Variants in JAK1 observed in about 807,000 individuals in gnomAD.
The protein encoded by JAK1 is tyrosine-protein kinase JAK1.
JAK1 carries 16 observed loss-of-function variants against 136.6 expected under a neutral mutation model. That is an observed-to-expected ratio of 0.12 (90% CI 0.08 to 0.18). The LOEUF (loss-of-function observed/expected upper bound fraction) is 0.18. JAK1 is among the 10% of genes least tolerant of loss of function. JAK1 has a pLI of 1.00. For missense variants in JAK1, 859 were observed against 1,450.1 expected (o/e 0.59, Z 6.62); for synonymous variants, 492 against 519.5 (o/e 0.95, Z 0.72).
intron 1 of JAK1, among the ~76,000 whole-genome samples, chr1:64,929,058 G>C (rs1645643063): frequency 6.6e-6 from 1 of 152,140 alleles, no homozygotes; most frequent in Non-Finnish European, 1.5e-5. Context: ...AAAAATTCAG[G>C]CCTGTACTTG....
chr1:64,835,230 G>A lies in JAK1; in HGVS notation c.3369+166C>T, dbSNP rs555668564. ...CTGGTGGCTATCATCTAGCCCCAAA[G>A]GCGATTTCTCAGTTATCTTATGTGA... On this transcript the variant is annotated intron_variant, in intron 24 of 24. Coordinates refer to ENST00000342505, the MANE Select transcript of JAK1 (RefSeq NM_002227.4). 3.3e-5 allele frequency among the ~76,000 whole-genome samples: 5 copies of A among 152,302 alleles called. No individual in the cohort carries two copies. In the East Asian group the frequency reaches 7.7e-4, roughly 23 times the overall value.
chr1:64,998,526 C>T (rs12117352), intron 2 of JAK1, among the ~76,000 whole-genome samples: 3,443 of 152,156 alleles, frequency 0.023, 48 homozygotes, highest in Non-Finnish European at 0.029. Flanking sequence ...AATCTCTGGC[C>T]GTAAGATTAG....
At chr1:64,903,676 A>T (rs1220122621) in intron 1 of JAK1, among the ~76,000 whole-genome samples, 1 of 152,214 alleles carries the variant, frequency 6.6e-6, no homozygotes, top group African/African-American at 2.4e-5. Context: ...AATGGGAATA[A>T]TACTAGCTCC....
At chr1:64,939,692 T>C (rs1361861350) in intron 1 of JAK1, among the ~76,000 whole-genome samples, 2 of 152,174 alleles carry the variant, frequency 1.3e-5, no homozygotes, top group Admixed American at 6.5e-5. Flanking sequence ...ATAATTCCTA[T>C]ATAAGGCCTA....
At chr1:64,990,791 A>T (rs1393079475) in intron 2 of JAK1, 1 of 151,848 alleles carries the variant, frequency 6.6e-6, no homozygotes, top group East Asian at 1.9e-4. Context: ...CAGTGGTAGC[A>T]TGTGCCTGTA....
rs374879239 is a variant in JAK1 at position 64,860,298 on chromosome 1, T to C, written c.1177-36A>G. On this transcript the variant is annotated intron_variant, in intron 8 of 24. Coordinates refer to ENST00000342505, the MANE Select transcript of JAK1 (RefSeq NM_002227.4). ...AGAAGAAATTCCCACGGTTACATCATGTCTCTATCAGCTTAAGTGGCTGAC... is the reference window on the plus strand; with the variant it reads ...AGAAGAAATTCCCACGGTTACATCACGTCTCTATCAGCTTAAGTGGCTGAC... 75 of 1,559,260 alleles carry C rather than the reference T, an allele frequency of 4.8e-5. No homozygotes were observed. In the African/African-American group the frequency reaches 7.9e-4, roughly 16 times the overall value.
chr1:65,002,140 C>A (rs1646764172), intron 2 of JAK1, among the ~76,000 whole-genome samples: 2 of 152,188 alleles, frequency 1.3e-5, no homozygotes, highest in African/African-American at 4.8e-5. Flanking sequence ...TATGTATACA[C>A]AAACACACAC....
chr1:64,970,877 AAATTT>A (rs1646446065), upstream of JAK1, among the ~76,000 whole-genome samples: 1 of 152,220 alleles, frequency 6.6e-6, no homozygotes, highest in Non-Finnish European at 1.5e-5. Context: ...ACATACATCT[AAATTT>A]AATTAAACCA....
intron 22 of JAK1, among the ~76,000 whole-genome samples, chr1:64,836,887 C>T (rs1211636009): frequency 6.6e-6 from 1 of 152,106 alleles, no homozygotes; most frequent in Non-Finnish European, 1.5e-5. Context: ...AACAAAGTCT[C>T]CCTCCTTAAA....
chr1:64,953,579 A>G (rs958701351), intron 1 of JAK1, among the ~76,000 whole-genome samples: 3 of 152,224 alleles, frequency 2.0e-5, no homozygotes, highest in Non-Finnish European at 4.4e-5. Flanking sequence ...TAAACTAAAT[A>G]TTTCACAAAA....
At position 64,837,468 on chromosome 1, in the gene JAK1, C is replaced by G. The variant is rs1654559373; in HGVS notation, c.3140+464G>C. 4.6e-5 allele frequency among the ~76,000 whole-genome samples: 7 copies of G among 152,304 alleles called. No individual in the cohort carries two copies. In the South Asian group the frequency reaches 1.0e-3, roughly 23 times the overall value. ...GTGTGGCCTTCTAACCTGGGAACCT[C>G]TGGTGATTCATGAGACAGCCAGGTC... On this transcript the variant is annotated intron_variant, in intron 22 of 24. Transcript: ENST00000342505.
chr1:64,873,746 A>C (rs1482445439), intron 4 of JAK1, among the ~76,000 whole-genome samples: 2 of 152,140 alleles, frequency 1.3e-5, no homozygotes, highest in African/African-American at 4.8e-5. Flanking sequence ...AGCTAAAGTG[A>C]CTTCCCGAAG....
chr1:64,838,006 G>A lies in JAK1; in HGVS notation c.3066C>T (p.Phe1022=), dbSNP rs746324512. The change falls in exon 22 of 25, where the codon TTC becomes TTT. Residue 1022 remains phenylalanine (F), a synonymous_variant. Transcript: ENST00000342505. ...ESEHQVKIGD[F]GLTKAIETDK... Reference sequence around the variant, plus strand: ...CGGTTTCAATTGCTTTGGTTAAACCGAAGTCTCCAATTTTCACTTGGTGTT... The same window carrying A: ...CGGTTTCAATTGCTTTGGTTAAACCAAAGTCTCCAATTTTCACTTGGTGTT... 14 of 1,613,964 alleles carry A rather than the reference G, an allele frequency of 8.7e-6. No homozygotes were observed. The highest frequency in any genetic ancestry group is 4.5e-5 in the East Asian group (2 of 44,896).
At chr1:65,058,636 AAAG>A (rs1647655038) in intron 1 of JAK1, 13 of 424,354 alleles carry the variant, frequency 3.1e-5, no homozygotes, top group Admixed American at 6.9e-5. Flanking sequence ...GGCAGAAGAA[AAAG>A]AAGGATCAGA....
At chr1:64,937,808 C>T (rs1262875957) in intron 1 of JAK1, among the ~76,000 whole-genome samples, 4 of 152,188 alleles carry the variant, frequency 2.6e-5, no homozygotes, top group East Asian at 3.9e-4. Context: ...ACCCAACCAT[C>T]GATCACTCCA....
intron 1 of JAK1, among the ~76,000 whole-genome samples, chr1:65,064,431 A>G (rs2201689): frequency 0.39 from 59,062 of 152,100 alleles, 14,237 homozygotes; most frequent in Middle Eastern, 0.6. Flanking sequence ...AAGTGCTCAA[A>G]TTATACCAAG....
chr1:65,005,714 A>C (rs2100759300), intron 2 of JAK1, among the ~76,000 whole-genome samples: 1 of 152,336 alleles, frequency 6.6e-6, no homozygotes, highest in South Asian at 2.1e-4. Context: ...AATTCTTTAA[A>C]AATATGTGAG....
intron 2 of JAK1, among the ~76,000 whole-genome samples, chr1:64,989,002 G>GTGTGTATA (rs545656432): frequency 2.3e-5 from 3 of 129,212 alleles, no homozygotes; most frequent in Non-Finnish European, 3.3e-5. Flanking sequence ...GTGTGTGTGT[G>GTGTGTATA]TATATATATA....
chr1:64,861,116 AG>A (rs1316033863), intron 8 of JAK1, among the ~76,000 whole-genome samples: 1 of 152,086 alleles, frequency 6.6e-6, no homozygotes, highest in Non-Finnish European at 1.5e-5. Flanking sequence ...GAAGGGGCAA[AG>A]CATGCACCGT....
Sources: gnomAD v4.1 joint callset for allele counts (sites outside exome capture counted in the v4.1 genomes callset) on GRCh38, gnomAD v4.1.1 for gene constraint, MANE v1.5 for transcripts, NCBI Gene and HGNC (gene_info 2026-07-23, HGNC 2026-07-21) for gene names.